COL4A3: variants seen among roughly 807,000 people sequenced by gnomAD.
COL4A3 encodes collagen type IV alpha 3 chain.
A neutral mutation model predicts 217.4 loss-of-function variants in COL4A3; 135 were observed. The observed-to-expected ratio is 0.62, with a 90% confidence interval of 0.54 to 0.72. The LOEUF (loss-of-function observed/expected upper bound fraction) is 0.72, where lower values mean the gene tolerates loss of function less well. COL4A3 is among the 30% of genes least tolerant of loss of function. The pLI is 0.00. For synonymous variants in COL4A3, 690 were observed against 736.3 expected, an observed-to-expected ratio of 0.94 and a Z score of 1.02; for missense variants, 1,868 against 2,119.9, an observed-to-expected ratio of 0.88 and a Z score of 2.33.
At chr2:227,280,832 A>G in intron 30 of COL4A3, 61 bp from the exon 31 acceptor site, 1 of 1,240,148 alleles carries the variant, frequency 8.1e-7, no homozygotes, top group Non-Finnish European at 1.2e-6. Flanking sequence ...AATGACTGGT[A>G]CAGCAATACC....
intron 1 of COL4A3, among the ~76,000 whole-genome samples, chr2:227,193,019 T>C (rs59986392): frequency 0.11 from 16,067 of 152,222 alleles, 1,673 homozygotes; most frequent in African/African-American, 0.26. Context: ...TTTCAATTTC[T>C]ATATTTACCT....
intron 1 of COL4A3, among the ~76,000 whole-genome samples, chr2:227,186,526 TAG>T (rs1289505638): frequency 2.6e-5 from 4 of 152,140 alleles, no homozygotes; most frequent in Admixed American, 2.0e-4. Flanking sequence ...GACCTGAAAT[TAG>T]AGTTACAAAG....
At chr2:227,190,051 A>C (rs1212510193) in intron 1 of COL4A3, among the ~76,000 whole-genome samples, 1 of 152,206 alleles carries the variant, frequency 6.6e-6, no homozygotes, top group Non-Finnish European at 1.5e-5. Context: ...CTACCAAGAG[A>C]AAGGAAGAAT....
chr2:227,308,489 C>T (rs1441962207), intron 48 of COL4A3, among the ~76,000 whole-genome samples: 1 of 152,250 alleles, frequency 6.6e-6, no homozygotes, highest in Non-Finnish European at 1.5e-5. Flanking sequence ...GCTGGGATTA[C>T]AGGCGTGAGC....
chr2:227,291,851 G>A (rs74552804), intron 37 of COL4A3, among the ~76,000 whole-genome samples: 4,140 of 152,234 alleles, frequency 0.027, 82 homozygotes, highest in Middle Eastern at 0.048. Flanking sequence ...TTTCAATAGG[G>A]CTTGGCTGCT....
chr2:227,294,308 C>T, intron 38 of COL4A3, 182 bp from the exon 39 acceptor site: 5 of 659,300 alleles, frequency 7.6e-6, no homozygotes, highest in Non-Finnish European at 1.1e-5. Flanking sequence ...AGACACATCT[C>T]TGCACTGGTT....
chr2:227,251,085 GTTA>G, intron 9 of COL4A3, 52 bp from the exon 10 acceptor site: 1 of 1,271,672 alleles, frequency 7.9e-7, no homozygotes, highest in South Asian at 1.2e-5. Context: ...AATGGACATT[GTTA>G]TTAAGTGAGA....
intron 1 of COL4A3, among the ~76,000 whole-genome samples, chr2:227,189,129 G>T (rs1336104890): frequency 6.6e-6 from 1 of 152,086 alleles, no homozygotes; most frequent in African/African-American, 2.4e-5. Flanking sequence ...AGGGAGAGAG[G>T]CCAGGGGAGG....
rs576526982 is a variant in COL4A3, at chr2:227,213,629, C to G, written c.88-24339C>G. Among the ~76,000 whole-genome samples the G allele has an allele frequency of 7.9e-5, 12 of 152,126 alleles. 1 individual carries two copies. In the South Asian group the frequency reaches 2.5e-3, roughly 32 times the overall value. Reference sequence around the variant, plus strand: ...AAAAACATACATATAAATGGCCAGGCGCGGTGGCTTACGCCTGTAGTCCCA... The same window carrying G: ...AAAAACATACATATAAATGGCCAGGGGCGGTGGCTTACGCCTGTAGTCCCA... On this transcript the variant is annotated intron_variant, in intron 1 of 51. Transcript: ENST00000396578.
chr2:227,171,252 A>C (rs947579270), intron 1 of COL4A3, among the ~76,000 whole-genome samples: 1 of 152,240 alleles, frequency 6.6e-6, no homozygotes, highest in African/African-American at 2.4e-5. Flanking sequence ...AAATGGATTT[A>C]TCATCTAAAT....
At chr2:227,284,613 A>G (rs1180691078) in intron 34 of COL4A3, among the ~76,000 whole-genome samples, 1 of 152,168 alleles carries the variant, frequency 6.6e-6, no homozygotes, top group African/African-American at 2.4e-5. Context: ...GTCAGTTTTT[A>G]AATTATAAGC....
chr2:227,207,142 G>C (rs573011514), intron 1 of COL4A3, among the ~76,000 whole-genome samples: 8 of 152,044 alleles, frequency 5.3e-5, no homozygotes, highest in Non-Finnish European at 1.0e-4. Context: ...GCCCAGAAAA[G>C]GCAACCCTAT....
At chr2:227,292,061 G>A (rs2072777032) in intron 37 of COL4A3, among the ~76,000 whole-genome samples, 1 of 152,192 alleles carries the variant, frequency 6.6e-6, no homozygotes, top group Non-Finnish European at 1.5e-5. Context: ...GTTTGAAAAT[G>A]TTTTTGTAGG....
At chr2:227,258,882 A>C (rs1445974079) in intron 18 of COL4A3, among the ~76,000 whole-genome samples, 5 of 152,304 alleles carry the variant, frequency 3.3e-5, no homozygotes, top group South Asian at 4.1e-4. Context: ...CATGGTGGAC[A>C]TTATTATGTT....
At chr2:227,293,102 T>C (rs2072847967) in intron 37 of COL4A3, 89 bp from the exon 38 acceptor site, 5 of 1,551,334 alleles carry the variant, frequency 3.2e-6, no homozygotes, top group African/African-American at 1.4e-5. Context: ...GATGAATGAA[T>C]GAAAAAATTA....
At chr2:227,283,938 T>C in intron 33 of COL4A3, 82 bp downstream of exon 33, 6 of 1,281,880 alleles carry the variant, frequency 4.7e-6, no homozygotes, top group Non-Finnish European at 6.8e-6. Flanking sequence ...TTATGTTTCA[T>C]TGGAGGGAAA....
At chr2:227,256,862 G>A (rs1159069822) in intron 17 of COL4A3, among the ~76,000 whole-genome samples, 11 of 152,150 alleles carry the variant, frequency 7.2e-5, no homozygotes, top group Admixed American at 5.2e-4. Flanking sequence ...TCAAGATAGG[G>A]TTATGTCCTG....
At position 227,250,182 on chromosome 2, in the gene COL4A3, G is replaced by A. The variant is rs1170810481; in HGVS notation, c.547-958G>A. Among the ~76,000 whole-genome samples, 3 of 152,024 alleles carry A rather than the reference G, an allele frequency of 2.0e-5. No homozygotes were observed. Among genetic ancestry groups the A allele is most frequent in the Non-Finnish European group, 2.9e-5 (2 of 68,010 alleles). On this transcript the variant is annotated intron_variant, in intron 9 of 51. Transcript: ENST00000396578. The surrounding 1 kb of genome is among the most constrained non-coding windows in gnomAD (Gnocchi z 4.1). ...ACAAAAATTAGCCAGGTGTGGTGGC[G>A]TGCGCCTGTAGTTCCAGCTACTTGG...
intron 31 of COL4A3, 37 bp downstream of exon 31, chr2:227,281,043 C>A: frequency 1.5e-6 from 2 of 1,326,156 alleles, no homozygotes; most frequent in Middle Eastern, 1.8e-4. Flanking sequence ...ACCAGAAGGG[C>A]AGGAGACATG....
Sources: allele counts gnomAD v4.1 joint callset (sites outside exome capture counted in the v4.1 genomes callset), GRCh38; gene constraint gnomAD v4.1.1; non-coding constraint Gnocchi (gnomAD v3.1); transcripts MANE v1.5; gene names NCBI Gene and HGNC (gene_info 2026-07-23, HGNC 2026-07-21).